TIAM1: variants seen among roughly 807,000 people sequenced by gnomAD.
The protein encoded by TIAM1 is TIAM Rac1 associated GEF 1.
Under a neutral mutation model 163.5 loss-of-function variants are expected in TIAM1, and 65 were observed. The ratio of observed to expected loss-of-function variants is 0.40; its 90% CI spans 0.33 to 0.49. The LOEUF is 0.49. Ranked by LOEUF, TIAM1 falls within the 20% of genes least tolerant of loss-of-function variation. The pLI is 0.77. For synonymous variants in TIAM1, 833 were observed against 810.1 expected, an observed-to-expected ratio of 1.03 and a Z score of -0.48; for missense variants, 1,789 against 2,044.7, an observed-to-expected ratio of 0.87 and a Z score of 2.41.
intron 2 of TIAM1, among the ~76,000 whole-genome samples, chr21:31,419,509 TAG>T (rs2043490906): frequency 6.6e-6 from 1 of 152,218 alleles, no homozygotes; most frequent in Admixed American, 6.5e-5. Context: ...CTGTTAATAC[TAG>T]TATGTCCAGA....
At chr21:31,387,735 C>T (rs769988471) in intron 2 of TIAM1, among the ~76,000 whole-genome samples, 1 of 152,082 alleles carries the variant, frequency 6.6e-6, no homozygotes, top group Non-Finnish European at 1.5e-5. Flanking sequence ...GCCAGGTGGC[C>T]GTGCATAGTG....
Position 31,266,834 on chromosome 21 carries a change from C to T in TIAM1, c.139G>A (p.Val47Met), listed in dbSNP as rs1023776899. ...RRTRHASSGKVIHRNSEVSTR... is the reference protein window; with the variant it reads ...RRTRHASSGKMIHRNSEVSTR... ...CTCACTTCGGAGTTCCTGTGGATCA[C>T]CTTCCCCGAGGAAGCGTGCCTGGTC... Residue 47 changes from valine to methionine, a missense_variant, in exon 4 of 28, where the codon GTG becomes ATG. Val to Met is a conservative substitution (Grantham distance 21, BLOSUM62 1). Coordinates refer to ENST00000541036, the MANE Select transcript of TIAM1 (RefSeq NM_001353694.2). The T allele has an allele frequency of 1.2e-6, 2 of 1,614,068 alleles. No individual in the cohort carries two copies. Among genetic ancestry groups the T allele is most frequent in the African/African-American group, 1.3e-5 (1 of 74,926 alleles).
chr21:31,323,157 G>A (rs2075371362), intron 2 of TIAM1, among the ~76,000 whole-genome samples: 1 of 151,952 alleles, frequency 6.6e-6, no homozygotes, highest in Non-Finnish European at 1.5e-5. Context: ...TCATGGTGGT[G>A]CCCGCCTGTA....
chr21:31,223,272 T>A, intron 8 of TIAM1, 134 bp downstream of exon 8: 1 of 986,720 alleles, frequency 1.0e-6, no homozygotes, highest in East Asian at 2.5e-5. Context: ...TTGCATCCAC[T>A]GCAAAGGGAG....
chr21:31,473,466 A>AC (rs2045827642), intron 1 of TIAM1, among the ~76,000 whole-genome samples: 1 of 117,402 alleles, frequency 8.5e-6, no homozygotes, highest in Non-Finnish European at 1.7e-5. Context: ...AAAAAAAAAA[A>AC]CATGGCTTAG....
At chr21:31,257,965 A>C (rs2072216772) in intron 4 of TIAM1, among the ~76,000 whole-genome samples, 1 of 121,900 alleles carries the variant, frequency 8.2e-6, no homozygotes. Context: ...ACCCTCCCAC[A>C]TTGCAACTCA....
rs1001994480 is a variant in TIAM1 at position 31,454,897 on chromosome 21, T to A, written c.-369+9086A>T. Among the ~76,000 whole-genome samples the A allele has an allele frequency of 3.9e-5, 6 of 152,202 alleles. No homozygotes were observed. In the East Asian group the frequency reaches 1.2e-3, roughly 30 times the overall value. ...GCAGGGAGCACACCTTAAGCCCAGA[T>A]TTTGGTTTCTACGTCCTGGTGTCCA... On this transcript the variant is annotated intron_variant, in intron 2 of 28. Coordinates refer to the TIAM1 transcript ENST00000286827.
chr21:31,375,487 C>T (rs1233094322), intron 2 of TIAM1, among the ~76,000 whole-genome samples: 2 of 1,160 alleles, frequency 1.7e-3, no homozygotes, highest in East Asian at 0.029. Context: ...TTTTCCCCTT[C>T]GTCCACCTTT....
chr21:31,474,075 G>A (rs1185631571), intron 1 of TIAM1, among the ~76,000 whole-genome samples: 1 of 152,088 alleles, frequency 6.6e-6, no homozygotes, highest in Non-Finnish European at 1.5e-5. Context: ...GAGAGAGAAG[G>A]AAGTGCCAAG....
intron 2 of TIAM1, among the ~76,000 whole-genome samples, chr21:31,417,479 A>G (rs1441652113): frequency 6.6e-6 from 1 of 152,230 alleles, no homozygotes; most frequent in African/African-American, 2.4e-5. Context: ...AATCCCTTAT[A>G]AAAACATCAG....
chr21:31,501,760 G>C (rs567752392), intron 1 of TIAM1, among the ~76,000 whole-genome samples: 2 of 152,068 alleles, frequency 1.3e-5, no homozygotes, highest in African/African-American at 4.8e-5. Context: ...CTACCACCAC[G>C]CCTGGCTAAT....
At chr21:31,409,522 A>C (rs1353070540) in intron 2 of TIAM1, among the ~76,000 whole-genome samples, 1 of 152,086 alleles carries the variant, frequency 6.6e-6, no homozygotes, top group Non-Finnish European at 1.5e-5. Flanking sequence ...CACAGCCCAC[A>C]GTCACTCCGC....
At chr21:31,466,005 C>G (rs890946444) in intron 1 of TIAM1, among the ~76,000 whole-genome samples, 1 of 152,222 alleles carries the variant, frequency 6.6e-6, no homozygotes, top group Non-Finnish European at 1.5e-5. Context: ...GGCGCCCGGC[C>G]TTCTTACAGG....
At chr21:31,418,244 A>G (rs1413091458) in intron 2 of TIAM1, among the ~76,000 whole-genome samples, 1 of 150,226 alleles carries the variant, frequency 6.7e-6, no homozygotes, top group Non-Finnish European at 1.5e-5. Context: ...CGGGAGGCTG[A>G]GACAGGAGAA....
intron 2 of TIAM1, among the ~76,000 whole-genome samples, chr21:31,327,820 A>G (rs2075545376): frequency 6.6e-6 from 1 of 152,058 alleles, no homozygotes; most frequent in African/African-American, 2.4e-5. Flanking sequence ...ACTGAGAACC[A>G]TGGTCCACAT....
intron 2 of TIAM1, among the ~76,000 whole-genome samples, chr21:31,436,121 C>G (rs2044199978): frequency 6.6e-6 from 1 of 152,176 alleles, no homozygotes; most frequent in Non-Finnish European, 1.5e-5. Context: ...TCTATTGTCC[C>G]ATAGAACTTT....
chr21:31,271,143 G>A (rs576729560), intron 3 of TIAM1, among the ~76,000 whole-genome samples: 7 of 151,992 alleles, frequency 4.6e-5, no homozygotes, highest in African/African-American at 1.7e-4. Flanking sequence ...GCTTCAGGAG[G>A]GCTGGAAGTG....
chr21:31,270,183 T>TA (rs1296418839), intron 3 of TIAM1, among the ~76,000 whole-genome samples: 3 of 152,242 alleles, frequency 2.0e-5, no homozygotes, highest in Admixed American at 2.0e-4. Flanking sequence ...TTACTTTTTT[T>TA]ACGGCTTCCA....
intron 1 of TIAM1, among the ~76,000 whole-genome samples, chr21:31,549,734 C>T (rs1409466265): frequency 6.6e-6 from 1 of 152,142 alleles, no homozygotes; most frequent in Non-Finnish European, 1.5e-5. Context: ...AATGGTGCAC[C>T]CACTTTGGGA....
Sources: gnomAD v4.1 joint callset for allele counts (sites outside exome capture counted in the v4.1 genomes callset) on GRCh38, gnomAD v4.1.1 for gene constraint, MANE v1.5 for transcripts, NCBI Gene and HGNC (gene_info 2026-07-23, HGNC 2026-07-21) for gene names.